Variants in PSD3 observed in about 807,000 individuals in gnomAD.
The protein encoded by PSD3 is pleckstrin and Sec7 domain containing 3, also known as PH and SEC7 domain-containing protein 3.
In PSD3, 49 loss-of-function variants were observed where a neutral mutation model predicts 105.5. That is an observed-to-expected ratio of 0.46 (90% CI 0.37 to 0.59). PSD3 has a LOEUF of 0.59. Ranked by LOEUF, PSD3 falls within the 20% of genes least tolerant of loss-of-function variation. The pLI, the probability that PSD3 is intolerant of heterozygous loss-of-function variation, is 0.00. For missense variants in PSD3, 1,561 were observed against 1,263.8 expected (o/e 1.24, Z -3.57); for synonymous variants, 557 against 457.8 (o/e 1.22, Z -2.77).
chr8:18,923,385 G>C (rs575078253), intron 2 of PSD3, among the ~76,000 whole-genome samples: 1 of 152,220 alleles, frequency 6.6e-6, no homozygotes, highest in South Asian at 2.1e-4. Flanking sequence ...CATACAAAAA[G>C]ACATACCACT....
chr8:19,073,640 G>C (rs1356635220), intron 1 of PSD3, among the ~76,000 whole-genome samples: 1 of 148,710 alleles, frequency 6.7e-6, no homozygotes, highest in East Asian at 2.0e-4. Flanking sequence ...AGGCAGAAAA[G>C]CCAATCTGTA....
intron 2 of PSD3, among the ~76,000 whole-genome samples, chr8:18,900,291 T>C (rs373013368): frequency 4.6e-5 from 7 of 152,242 alleles, no homozygotes; most frequent in Non-Finnish European, 1.0e-4. Flanking sequence ...GATTTTCTTA[T>C]AGGTATCCTG....
intron 10 of PSD3, among the ~76,000 whole-genome samples, chr8:18,650,317 G>C (rs143179624): frequency 3.3e-5 from 5 of 151,560 alleles, no homozygotes; most frequent in African/African-American, 4.9e-5. Context: ...TACTCACTTT[G>C]TTTATCACTT....
intron 8 of PSD3, among the ~76,000 whole-genome samples, chr8:18,781,429 C>G (rs966666069): frequency 6.6e-6 from 1 of 152,174 alleles, no homozygotes; most frequent in African/African-American, 2.4e-5. Context: ...TTAAATGTTC[C>G]TAAGTCCCTA....
At chr8:19,015,027 T>C (rs1284499170), upstream of PSD3, among the ~76,000 whole-genome samples, 1 of 152,166 alleles carries the variant, frequency 6.6e-6, no homozygotes, top group South Asian at 2.1e-4. Flanking sequence ...CACTTGGGCA[T>C]TGATATGGTT....
intron 4 of PSD3, among the ~76,000 whole-genome samples, chr8:18,854,815 T>C (rs1332337509): frequency 1.3e-5 from 2 of 152,316 alleles, no homozygotes; most frequent in African/African-American, 2.4e-5. Flanking sequence ...CTTAATCTCA[T>C]GTAATTTGTG....
At chr8:18,666,727 G>GGC (rs1554465557) in intron 9 of PSD3, among the ~76,000 whole-genome samples, 1 of 148,274 alleles carries the variant, frequency 6.7e-6, no homozygotes, top group Non-Finnish European at 1.5e-5. Flanking sequence ...TTTTTTTTGG[G>GGC]GGGTGGGGGG....
intron 12 of PSD3, among the ~76,000 whole-genome samples, chr8:18,593,738 T>C (rs1292654367): frequency 6.6e-6 from 1 of 151,890 alleles, no homozygotes; most frequent in Non-Finnish European, 1.5e-5. Flanking sequence ...TGTCCATCAG[T>C]GATAGACTGG....
chr8:19,046,505 G>C (rs1454928596), intron 1 of PSD3, among the ~76,000 whole-genome samples: 1 of 152,188 alleles, frequency 6.6e-6, no homozygotes, highest in African/African-American at 2.4e-5. Flanking sequence ...AATGAGTTAA[G>C]TTCCCAGCAT....
At chr8:19,053,231 T>G (rs910738320) in intron 1 of PSD3, among the ~76,000 whole-genome samples, 13 of 151,944 alleles carry the variant, frequency 8.6e-5, no homozygotes, top group African/African-American at 2.9e-4. Flanking sequence ...AGTAACGTCT[T>G]AAAGGCAGGT....
chr8:18,819,380 G>A (rs1407626473), intron 4 of PSD3, among the ~76,000 whole-genome samples: 1 of 151,946 alleles, frequency 6.6e-6, no homozygotes, highest in Non-Finnish European at 1.5e-5. Context: ...TGAAGGGAGG[G>A]GATGAGGACA....
rs1443839063 is a variant in PSD3, at chr8:18,527,610, T to C, written c.*8133A>G. 1 of 152,668 alleles carries C rather than the reference T, an allele frequency of 6.6e-6. No homozygotes were observed. Among genetic ancestry groups the C allele is most frequent in the Non-Finnish European group, 1.5e-5 (1 of 68,046 alleles). 9.5% of individuals were successfully genotyped at this position (152,668 alleles called of 1,614,324 possible). A position where few individuals can be genotyped will look rare whatever the true frequency, so the allele number is the denominator to read the frequency against. On this transcript the variant is annotated 3_prime_UTR_variant, in exon 16 of 16. Coordinates refer to ENST00000327040, the MANE Select transcript of PSD3 (RefSeq NM_015310.4). ...ACAGTGAAATAGGGTAATATTTATA[T>C]ACAACTATTTTAATAAAAAATAAAG...
intron 12 of PSD3, among the ~76,000 whole-genome samples, chr8:18,586,685 G>A (rs1803212629): frequency 6.6e-6 from 1 of 152,066 alleles, no homozygotes; most frequent in African/African-American, 2.4e-5. Context: ...AGACCAATTT[G>A]ATTCATTTAA....
intron 9 of PSD3, among the ~76,000 whole-genome samples, chr8:18,666,598 A>G (rs540848808): frequency 2.6e-5 from 4 of 152,320 alleles, no homozygotes; most frequent in East Asian, 1.9e-4. Context: ...CTCGTAACAG[A>G]TAAGTCAGGA....
chr8:18,802,317 C>A, intron 6 of PSD3: 1 of 424,990 alleles, frequency 2.4e-6, no homozygotes, highest in Non-Finnish European at 4.8e-6. Context: ...GAGATGAATC[C>A]AGATGACCCT....
intron 1 of PSD3, among the ~76,000 whole-genome samples, chr8:19,010,946 G>A: frequency 6.6e-6 from 1 of 151,346 alleles, no homozygotes; most frequent in East Asian, 1.9e-4. Flanking sequence ...AATCACAACA[G>A]CAGTAATTCA....
chr8:18,762,408 C>A (rs1423697612), intron 9 of PSD3, among the ~76,000 whole-genome samples: 1 of 152,184 alleles, frequency 6.6e-6, no homozygotes, highest in Non-Finnish European at 1.5e-5. Context: ...GAACCATGAT[C>A]AAAATAAACC....
chr8:18,763,075 A>G (rs1370026494), intron 9 of PSD3: 3 of 476,578 alleles, frequency 6.3e-6, no homozygotes, highest in Non-Finnish European at 1.2e-5. Flanking sequence ...CTACAAAATG[A>G]CATGGAACAA....
intron 4 of PSD3, among the ~76,000 whole-genome samples, chr8:18,814,971 A>T (rs1459968016): frequency 6.6e-6 from 1 of 152,234 alleles, no homozygotes; most frequent in African/African-American, 2.4e-5. Flanking sequence ...TATCTTAAAC[A>T]GTTTGTTTAG....
Sources: allele counts gnomAD v4.1 joint callset (sites outside exome capture counted in the v4.1 genomes callset), GRCh38; gene constraint gnomAD v4.1.1; transcripts MANE v1.5; gene names NCBI Gene and HGNC (gene_info 2026-07-23, HGNC 2026-07-21).